The following NIN variants were observed in gnomAD, a reference collection of about 807,000 sequenced individuals.
NIN encodes ninein, also known as glycogen synthase kinase 3 beta-interacting protein.
In NIN, 137 loss-of-function variants were observed where a neutral mutation model predicts 257.6. That is an observed-to-expected ratio of 0.53 (90% CI 0.46 to 0.61). NIN has a LOEUF of 0.61. Ranked by LOEUF, NIN falls within the 20% of genes least tolerant of loss-of-function variation. The probability of loss-of-function intolerance (pLI) is 0.00; values close to 1 mark genes in which losing one functional copy is unlikely to be tolerated. For missense variants in NIN, 2,439 were observed against 2,501.2 expected, an observed-to-expected ratio of 0.98 and a Z score of 0.53; for synonymous variants, 918 against 919.8, an observed-to-expected ratio of 1.00 and a Z score of 0.04.
intron 3 of NIN, among the ~76,000 whole-genome samples, chr14:50,817,483 A>G (rs1046248251): frequency 6.6e-6 from 1 of 152,216 alleles, no homozygotes; most frequent in Non-Finnish European, 1.5e-5. Flanking sequence ...TAAATTATAT[A>G]TATTTGTACA....
intron 3 of NIN, among the ~76,000 whole-genome samples, chr14:50,811,805 T>C (rs931091287): frequency 9.9e-5 from 15 of 151,960 alleles, no homozygotes; most frequent in African/African-American, 3.4e-4. Flanking sequence ...CCATCCTGGC[T>C]AACGTGGTGA....
chr14:50,812,276 A>C (rs945335316), intron 3 of NIN, among the ~76,000 whole-genome samples: 2 of 152,216 alleles, frequency 1.3e-5, no homozygotes, highest in African/African-American at 4.8e-5. Flanking sequence ...CAAAATTGAA[A>C]GGTGAGAGGT....
At chr14:50,784,981 G>A (rs988122289) in intron 5 of NIN, among the ~76,000 whole-genome samples, 6 of 152,160 alleles carry the variant, frequency 3.9e-5, no homozygotes, top group Non-Finnish European at 5.9e-5. Context: ...GAGGTTGTCC[G>A]GCCCCAAAAT....
chr14:50,755,318 G>T (rs2041971629), intron 18 of NIN, among the ~76,000 whole-genome samples: 2 of 152,142 alleles, frequency 1.3e-5, no homozygotes, highest in African/African-American at 4.8e-5. Flanking sequence ...GGGCCACAAT[G>T]AAATATGTAC....
intron 2 of NIN, among the ~76,000 whole-genome samples, chr14:50,830,263 G>A (rs138762290): frequency 1.3e-5 from 2 of 152,198 alleles, no homozygotes; most frequent in South Asian, 2.1e-4. Context: ...CGGGGCGTCG[G>A]GGGTACTGGA....
intron 9 of NIN, among the ~76,000 whole-genome samples, chr14:50,771,712 G>A (rs1391564741): frequency 1.3e-5 from 2 of 152,032 alleles, no homozygotes; most frequent in Non-Finnish European, 2.9e-5. Context: ...TTGGCCAGGT[G>A]CAGTGGCTCA....
intron 21 of NIN, among the ~76,000 whole-genome samples, chr14:50,750,372 C>G (rs989605094): frequency 6.6e-6 from 1 of 152,192 alleles, no homozygotes; most frequent in South Asian, 2.1e-4. Flanking sequence ...AATGTAACAT[C>G]AGAGGGCTCA....
intron 9 of NIN, among the ~76,000 whole-genome samples, chr14:50,771,728 G>A (rs887452565): frequency 6.6e-6 from 1 of 151,918 alleles, no homozygotes; most frequent in African/African-American, 2.4e-5. Flanking sequence ...GCTCACGCCC[G>A]TAATCCCAGC....
intron 21 of NIN, among the ~76,000 whole-genome samples, chr14:50,752,317 C>A (rs965719429): frequency 1.3e-5 from 2 of 152,130 alleles, no homozygotes; most frequent in African/African-American, 4.8e-5. Flanking sequence ...TGAGAAGTGG[C>A]CCTGGTTATA....
intron 14 of NIN, among the ~76,000 whole-genome samples, chr14:50,765,746 A>C (rs1369032581): frequency 6.6e-6 from 1 of 151,472 alleles, no homozygotes; most frequent in African/African-American, 2.4e-5. Flanking sequence ...AAAAAAAAAA[A>C]CCCACAGGAC....
At chr14:50,823,740 C>T (rs1378841035) in intron 2 of NIN, among the ~76,000 whole-genome samples, 1 of 152,226 alleles carries the variant, frequency 6.6e-6, no homozygotes, top group African/African-American at 2.4e-5. Flanking sequence ...CAGGTCTCTT[C>T]TCCTAATTAT....
intron 29 of NIN, among the ~76,000 whole-genome samples, chr14:50,726,925 T>A (rs1369714596): frequency 1.3e-5 from 2 of 152,182 alleles, no homozygotes; most frequent in African/African-American, 4.8e-5. Context: ...AAGGCTACCA[T>A]CTGTTTAGAT....
rs942043697 is a variant in NIN at position 50,721,375 on chromosome 14, G to A, written c.*2088C>T. ...CAAATTAACCTACACCTCTCATACT[G>A]TAAAAGACAAAAATTAAAAATACAA... is the stretch of plus-strand genomic sequence containing the variant. On this transcript the variant is annotated 3_prime_UTR_variant, in exon 31 of 31. Transcript: ENST00000530997. 1.4e-5 allele frequency: 3 copies of A among 210,826 alleles called. No homozygotes were observed. Among genetic ancestry groups the A allele is most frequent in the African/African-American group, 4.5e-5 (2 of 44,034 alleles). 13.1% of individuals were successfully genotyped at this position (210,826 alleles called of 1,614,324 possible).
chr14:50,737,940 C>T (rs771662660), intron 27 of NIN, among the ~76,000 whole-genome samples, 200 bp downstream of exon 27: 3 of 152,062 alleles, frequency 2.0e-5, no homozygotes, highest in African/African-American at 4.8e-5. Context: ...CCACCACACC[C>T]GGCCAAACTG....
chr14:50,792,950 C>A, intron 4 of NIN, 69 bp from the exon 5 acceptor site: 2 of 1,511,080 alleles, frequency 1.3e-6, no homozygotes, highest in Non-Finnish European at 1.8e-6. Flanking sequence ...CACTCACAGC[C>A]ATCGGACACA....
At chr14:50,823,180 A>G (rs761945429) in intron 2 of NIN, 3 of 553,304 alleles carry the variant, frequency 5.4e-6, no homozygotes, top group Non-Finnish European at 7.3e-6. Context: ...CTTGCATGAC[A>G]GTTCATTTTT....
intron 3 of NIN, among the ~76,000 whole-genome samples, chr14:50,814,149 G>A (rs1280534378): frequency 6.6e-6 from 1 of 152,040 alleles, no homozygotes; most frequent in Non-Finnish European, 1.5e-5. Flanking sequence ...GTAGAGAGAG[G>A]CAAAGGCTAT....
In NIN at chr14:50,770,501, T is replaced by C. The variant is rs1156413315; in HGVS notation, c.1321A>G (p.Arg441Gly). The change falls in exon 12 of 31, where the codon AGA (arginine) becomes GGA (glycine). Residue 441 changes from arginine (R) to glycine (G), a missense_variant. By Grantham distance (125) the Arg-to-Gly change is moderately radical. This residue lies in a region of NIN where 2,043 missense variants were observed against 2,050.2 expected (regional missense o/e 1.00). Transcript: ENST00000530997. Reference sequence around the variant, plus strand: ...CCTGCCTGCTGCAGGATCTGCTCTCTCTCTTTTCGGAGTTCATTTTTTAAG... The same window carrying C: ...CCTGCCTGCTGCAGGATCTGCTCTCCCTCTTTTCGGAGTTCATTTTTTAAG... Reference protein sequence around the residue: ...AALKNELRKEREQILQQAGKQ... With the variant: ...AALKNELRKEGEQILQQAGKQ... 10 of 1,614,128 alleles carry C rather than the reference T, an allele frequency of 6.2e-6. No homozygotes were observed. The Admixed American group carries it at 1.5e-4, about 24-fold the overall frequency.
intron 25 of NIN, among the ~76,000 whole-genome samples, chr14:50,741,287 A>G (rs1229859837): frequency 6.6e-6 from 1 of 152,194 alleles, no homozygotes; most frequent in Non-Finnish European, 1.5e-5. Context: ...GACCTGTTTT[A>G]TATCACTATG....
Sources: gnomAD v4.1 joint callset for allele counts (sites outside exome capture counted in the v4.1 genomes callset) on GRCh38, gnomAD v4.1.1 for gene constraint, gnomAD v4.1.1 regional missense constraint, MANE v1.5 for transcripts, NCBI Gene and HGNC (gene_info 2026-07-23, HGNC 2026-07-21) for gene names.